The following CTPS1 variants were observed in gnomAD, a reference collection of about 807,000 sequenced individuals.
CTPS1 encodes the protein CTP synthase 1.
Under a neutral mutation model 80.5 loss-of-function variants are expected in CTPS1, and 25 were observed. The observed-to-expected ratio is 0.31, with a 90% CI of 0.23 to 0.43. The LOEUF (loss-of-function observed/expected upper bound fraction) is 0.43. CTPS1 is among the 20% of genes least tolerant of loss of function. CTPS1 has a pLI of 1.00. For synonymous variants in CTPS1, 267 were observed against 252.5 expected (o/e 1.06, Z -0.54); for missense variants, 442 against 725.7 (o/e 0.61, Z 4.49).
chr1:41,009,671 A>T, intron 17 of CTPS1, 82 bp downstream of exon 17: 1 of 1,522,936 alleles, frequency 6.6e-7, no homozygotes, highest in Non-Finnish European at 8.9e-7. Flanking sequence ...GCAACACGTC[A>T]CAGTCAGTCA....
intron 5 of CTPS1, among the ~76,000 whole-genome samples, chr1:40,990,883 G>T (rs552306231): frequency 6.6e-6 from 1 of 152,178 alleles, no homozygotes; most frequent in Non-Finnish European, 1.5e-5. Flanking sequence ...AGTAAATGTG[G>T]AGAAGTAGCA....
chr1:41,005,390 C>T (rs912535481), intron 12 of CTPS1, among the ~76,000 whole-genome samples: 5 of 151,670 alleles, frequency 3.3e-5, no homozygotes, highest in Admixed American at 6.6e-5. Context: ...GTTTTGGTGC[C>T]GAGATCACGC....
intron 9 of CTPS1, chr1:41,000,680 G>A (rs1421479586): frequency 6.4e-6 from 1 of 155,192 alleles, no homozygotes; most frequent in African/African-American, 2.4e-5. Context: ...CACAAAAGCT[G>A]GGCGGAAGAT....
intron 7 of CTPS1, 67 bp from the exon 8 acceptor site, chr1:40,995,850 G>A: frequency 6.7e-7 from 1 of 1,491,926 alleles, no homozygotes; most frequent in Non-Finnish European, 9.2e-7. Context: ...AGGTCACGTA[G>A]CTAGTAGGAG....
At chr1:40,995,116 C>T (rs1281522273) in intron 7 of CTPS1, among the ~76,000 whole-genome samples, 1 of 152,150 alleles carries the variant, frequency 6.6e-6, no homozygotes, top group Non-Finnish European at 1.5e-5. Context: ...TGAATGATTC[C>T]AATATGCAGC....
intron 18 of CTPS1, 49 bp from the exon 19 acceptor site, chr1:41,011,609 A>C (rs1047262003): frequency 6.6e-6 from 1 of 152,166 alleles, no homozygotes; most frequent in African/African-American, 2.4e-5. Flanking sequence ...TAACTTTTCT[A>C]CTTTAATGTA....
intron 7 of CTPS1, among the ~76,000 whole-genome samples, chr1:40,994,372 T>G (rs1642700438): frequency 6.6e-6 from 1 of 152,254 alleles, no homozygotes; most frequent in Non-Finnish European, 1.5e-5. Flanking sequence ...TTCTGTACTT[T>G]TTAAAAATAA....
chr1:41,010,002 C>CT (rs1245036055), intron 17 of CTPS1, among the ~76,000 whole-genome samples, 159 bp from the exon 18 acceptor site: 3 of 152,222 alleles, frequency 2.0e-5, no homozygotes, highest in African/African-American at 7.2e-5. Context: ...AGAAGGAAAT[C>CT]TTTCTGCAGT....
intron 5 of CTPS1, among the ~76,000 whole-genome samples, chr1:40,990,624 A>T (rs528204398): frequency 3.9e-5 from 5 of 128,808 alleles, no homozygotes; most frequent in Admixed American, 8.5e-5. Context: ...GTCTCGATTT[A>T]AAAAAAAAGA....
intron 9 of CTPS1, 153 bp from the exon 10 acceptor site, chr1:41,000,876 A>G: frequency 2.4e-6 from 1 of 422,570 alleles, no homozygotes; most frequent in Non-Finnish European, 4.2e-6. Flanking sequence ...AAATATATTA[A>G]GTTGATCACT....
At chr1:40,987,258 A>G (rs556051145) in intron 3 of CTPS1, 114 bp from the exon 4 acceptor site, 40 of 752,614 alleles carry the variant, frequency 5.3e-5, no homozygotes, top group East Asian at 4.0e-4. Context: ...TTATGACCCT[A>G]TTGCTACTCT....
intron 1 of CTPS1, chr1:40,980,101 T>C (rs1393472829): frequency 1.3e-5 from 2 of 150,912 alleles, no homozygotes; most frequent in Non-Finnish European, 3.0e-5. Flanking sequence ...GCGGGGCGGC[T>C]TCAGAGGCTG....
chr1:41,000,925 TC>T, intron 9 of CTPS1, 103 bp from the exon 10 acceptor site: 1 of 655,158 alleles, frequency 1.5e-6, no homozygotes, highest in Non-Finnish European at 2.4e-6. Context: ...AAAGCCAGAA[TC>T]AAGAAAGACA....
chr1:40,988,998 A>G (rs1485916296), intron 5 of CTPS1, among the ~76,000 whole-genome samples: 1 of 152,160 alleles, frequency 6.6e-6, no homozygotes, highest in Non-Finnish European at 1.5e-5. Context: ...TTAAAGACAA[A>G]TCTTGTGGAG....
chr1:41,001,299 A>C (rs1404349851), intron 10 of CTPS1, among the ~76,000 whole-genome samples, 182 bp downstream of exon 10: 1 of 152,196 alleles, frequency 6.6e-6, no homozygotes, highest in East Asian at 1.9e-4. Flanking sequence ...ATATCATTGG[A>C]TCTGAAAAGC....
chr1:40,995,268 G>A (rs28469640), intron 7 of CTPS1, among the ~76,000 whole-genome samples: 1,840 of 152,198 alleles, frequency 0.012, 44 homozygotes, highest in African/African-American at 0.042. Flanking sequence ...GCCCAGGCTG[G>A]AGTACAGTGA....
intron 12 of CTPS1, among the ~76,000 whole-genome samples, chr1:41,005,086 G>A (rs912816690): frequency 6.6e-6 from 1 of 152,054 alleles, no homozygotes; most frequent in Non-Finnish European, 1.5e-5. Context: ...CCAAGATTGT[G>A]CCACTGCACT....
At chr1:40,995,060 C>T (rs1381171572) in intron 7 of CTPS1, among the ~76,000 whole-genome samples, 2 of 152,296 alleles carry the variant, frequency 1.3e-5, no homozygotes, top group East Asian at 3.9e-4. Flanking sequence ...GATCCTAATT[C>T]AAGTGGTCTG....
chr1:40,983,973 C>G (rs1181811251), intron 2 of CTPS1, among the ~76,000 whole-genome samples: 2 of 152,152 alleles, frequency 1.3e-5, no homozygotes, highest in Non-Finnish European at 2.9e-5. Context: ...GCTGTTACTT[C>G]AAAGATTAAT....
Sources: allele counts gnomAD v4.1 joint callset (sites outside exome capture counted in the v4.1 genomes callset), GRCh38; gene constraint gnomAD v4.1.1; transcripts MANE v1.5; gene names NCBI Gene and HGNC (gene_info 2026-07-23, HGNC 2026-07-21).